KCNN3: variants seen among roughly 807,000 people sequenced by gnomAD.
KCNN3 encodes the protein potassium calcium-activated channel subfamily N member 3, also known as small conductance calcium-activated potassium channel protein 3.
Under a neutral mutation model 62.9 loss-of-function variants are expected in KCNN3, and 16 were observed. That is an observed-to-expected ratio of 0.25 (90% CI 0.17 to 0.39). The LOEUF (loss-of-function observed/expected upper bound fraction) is 0.39. KCNN3 is among the 10% of genes least tolerant of loss of function. The probability of loss-of-function intolerance (pLI) is 1.00; values close to 1 mark genes in which losing one functional copy is unlikely to be tolerated. For synonymous variants in KCNN3, 370 were observed against 389.2 expected, an observed-to-expected ratio of 0.95 and a Z score of 0.58; for missense variants, 599 against 949.4, an observed-to-expected ratio of 0.63 and a Z score of 4.85.
intron 2 of KCNN3, among the ~76,000 whole-genome samples, chr1:154,805,304 C>G (rs999009260): frequency 6.6e-6 from 1 of 152,172 alleles, no homozygotes; most frequent in African/African-American, 2.4e-5. Flanking sequence ...TTCTCACATT[C>G]TGATGCACTT....
At chr1:154,775,858 C>T (rs948703103) in intron 2 of KCNN3, among the ~76,000 whole-genome samples, 4 of 152,252 alleles carry the variant, frequency 2.6e-5, no homozygotes, top group African/African-American at 9.6e-5. Flanking sequence ...GGCAACGTGA[C>T]TGCCTGGCCA....
intron 2 of KCNN3, among the ~76,000 whole-genome samples, chr1:154,807,760 C>A (rs1650241447): frequency 1.3e-5 from 2 of 152,206 alleles, no homozygotes; most frequent in Non-Finnish European, 2.9e-5. Context: ...GCAAGACAAA[C>A]TCGGGCTGCC....
At chr1:154,859,554 G>T in intron 1 of KCNN3, 1 of 831,910 alleles carries the variant, frequency 1.2e-6, no homozygotes, top group South Asian at 1.3e-5. Flanking sequence ...AATGAGCAAG[G>T]GCAGCCTCTC....
At chr1:154,856,314 C>T (rs75990730) in intron 1 of KCNN3, among the ~76,000 whole-genome samples, 24 of 152,264 alleles carry the variant, frequency 1.6e-4, no homozygotes, top group African/African-American at 5.5e-4. Flanking sequence ...CCCTTAGCCA[C>T]GATGTCTTCA....
At position 154,849,313 on chromosome 1, in the gene KCNN3, G is replaced by A. The variant is rs142976741; in HGVS notation, c.933+19719C>T. ...AAACACAAGCAAGAAGCAAGATGGA[G>A]CAGGCCTGGGAGAACAGCCATGTGG... On this transcript the variant is annotated intron_variant, in intron 1 of 7. Transcript: ENST00000271915. 2.8e-4 allele frequency among the ~76,000 whole-genome samples: 42 copies of A among 152,366 alleles called. 1 individual carries two copies. In the East Asian group the frequency reaches 8.1e-3, roughly 29 times the overall value.
chr1:154,793,045 G>A (rs1438674218), intron 2 of KCNN3, among the ~76,000 whole-genome samples: 1 of 152,064 alleles, frequency 6.6e-6, no homozygotes, highest in Non-Finnish European at 1.5e-5. Context: ...CCAAACCATC[G>A]CACTCAGGAA....
chr1:154,726,055 G>C (rs1171894983), intron 4 of KCNN3, 29 bp from the exon 5 acceptor site: 2 of 1,540,720 alleles, frequency 1.3e-6, no homozygotes, highest in Middle Eastern at 1.7e-4. Context: ...AGGACCAGAG[G>C]GGAAAGAACA....
At chr1:154,843,661 A>C (rs984767836) in intron 1 of KCNN3, among the ~76,000 whole-genome samples, 1 of 152,150 alleles carries the variant, frequency 6.6e-6, no homozygotes, top group Non-Finnish European at 1.5e-5. Context: ...AAACCTTTTA[A>C]AGCAACAGTG....
chr1:154,798,082 G>A (rs1051153022), intron 2 of KCNN3, among the ~76,000 whole-genome samples: 5 of 152,172 alleles, frequency 3.3e-5, no homozygotes, highest in Middle Eastern at 3.4e-3. Context: ...AAATCATCCC[G>A]AGAGGCCAGG....
At chr1:154,841,877 C>T (rs13376333) in intron 1 of KCNN3, among the ~76,000 whole-genome samples, 41,665 of 152,138 alleles carry the variant, frequency 0.27, 5,990 homozygotes, top group Non-Finnish European at 0.31. Flanking sequence ...GCTCCTTCCT[C>T]ATCTGACAAT....
intron 4 of KCNN3, among the ~76,000 whole-genome samples, chr1:154,727,410 A>G (rs769712483): frequency 6.6e-6 from 1 of 152,248 alleles, no homozygotes; most frequent in Non-Finnish European, 1.5e-5. Flanking sequence ...GAAGGAATGC[A>G]TATGGGTGGA....
chr1:154,837,365 G>C (rs188628853), intron 1 of KCNN3, among the ~76,000 whole-genome samples: 1 of 151,884 alleles, frequency 6.6e-6, no homozygotes, highest in Admixed American at 6.6e-5. Context: ...GGATGGTCTC[G>C]ATCTCCTGAG....
At chr1:154,761,957 TAACA>T (rs142027976) in intron 3 of KCNN3, among the ~76,000 whole-genome samples, 8,518 of 151,866 alleles carry the variant, frequency 0.056, 718 homozygotes, top group African/African-American at 0.19. Flanking sequence ...AACAACGAAG[TAACA>T]AACAAACAAA....
At position 154,706,723 on chromosome 1, in the gene KCNN3, C is replaced by T. The variant is rs1361927382; in HGVS notation, c.*1253G>A. 6.6e-6 allele frequency: 1 copy of T among 152,184 alleles called. No homozygotes were observed. Among genetic ancestry groups the T allele is most frequent in the African/African-American group, 2.4e-5 (1 of 41,436 alleles). The allele number at this position is 152,184 out of a possible 1,614,324, so 9.4% of individuals were successfully genotyped here. A position where few individuals can be genotyped will look rare whatever the true frequency, so the allele number is the denominator to read the frequency against. ...TGACTTAAGGTCAGGTAGAAGGGAC[C>T]ACATAGGCCACTCTTCATCACTTCT... On this transcript the variant is annotated 3_prime_UTR_variant, in exon 8 of 8. Coordinates refer to ENST00000271915, the MANE Select transcript of KCNN3 (RefSeq NM_002249.6).
At position 154,772,908 on chromosome 1, in the gene KCNN3, G is replaced by A. The variant is rs1386238337; in HGVS notation, c.1030-515C>T. Among the ~76,000 whole-genome samples the A allele has an allele frequency of 1.3e-5, 2 of 152,080 alleles. No individual in the cohort carries two copies. The highest frequency in any genetic ancestry group is 4.8e-5 in the African/African-American group (2 of 41,404). On this transcript the variant is annotated intron_variant, in intron 2 of 7. Transcript: ENST00000271915. This position sits in a 1 kb window ranked among gnomAD's most constrained non-coding sequence, Gnocchi z 5.6. ...CCCACCACCTCCTGAGAAGGAAGAGGGGCCCGAAGGTTGAGTTGATCACCA... is the reference window on the plus strand; with the variant it reads ...CCCACCACCTCCTGAGAAGGAAGAGAGGCCCGAAGGTTGAGTTGATCACCA...
At chr1:154,710,799 T>C (rs1490363368) in intron 7 of KCNN3, among the ~76,000 whole-genome samples, 1 of 152,148 alleles carries the variant, frequency 6.6e-6, no homozygotes, top group Non-Finnish European at 1.5e-5. Flanking sequence ...TGAGATACCA[T>C]CTCATACCAG....
chr1:154,702,747 A>ATATATG lies in KCNN3; in HGVS notation c.*5228_*5229insCATATA, dbSNP rs1411424701. The ATATATG allele has an allele frequency of 4.7e-5, 4 of 85,812 alleles. No individual in the cohort carries two copies. Among genetic ancestry groups the ATATATG allele is most frequent in the Non-Finnish European group, 9.6e-5 (4 of 41,800 alleles). The allele number at this position is 85,812 out of a possible 1,614,324, so 5.3% of individuals were successfully genotyped here. On this transcript the variant is annotated 3_prime_UTR_variant, in exon 8 of 8. Transcript: ENST00000271915. Reference sequence around the variant, plus strand: ...TATATATATATATATATATATATATATGTACTTTTTCTTTTTGGCTATAAA... The same window carrying ATATATG: ...TATATATATATATATATATATATATATATATGTGTACTTTTTCTTTTTGGCTATAAA...
Position 154,741,139 on chromosome 1 carries a change from G to T in KCNN3, c.1449-7995C>A, listed in dbSNP as rs183976246. Among the ~76,000 whole-genome samples the T allele has an allele frequency of 9.2e-5, 14 of 152,246 alleles. No individual in the cohort carries two copies. The East Asian group carries it at 1.7e-3, about 19-fold the overall frequency. On this transcript the variant is annotated intron_variant, in intron 3 of 7. Coordinates refer to ENST00000271915, the MANE Select transcript of KCNN3 (RefSeq NM_002249.6). ...GAATTGATTTTGCATATGGTGTGAG[G>T]CAGGGATACAACTTCATTTTTTTCA...
At chr1:154,758,457 G>A (rs994000655) in intron 3 of KCNN3, among the ~76,000 whole-genome samples, 6 of 152,234 alleles carry the variant, frequency 3.9e-5, no homozygotes, top group African/African-American at 1.4e-4. Flanking sequence ...GCCCATCTGG[G>A]CCCGTTGCAG....
Sources: allele counts gnomAD v4.1 joint callset (sites outside exome capture counted in the v4.1 genomes callset), GRCh38; gene constraint gnomAD v4.1.1; non-coding constraint Gnocchi (gnomAD v3.1); transcripts MANE v1.5; gene names NCBI Gene and HGNC (gene_info 2026-07-23, HGNC 2026-07-21).